Variants in GPAM observed in about 807,000 individuals in gnomAD.
The protein encoded by GPAM is glycerol-3-phosphate acyltransferase 1, mitochondrial.
Under a neutral mutation model 105.0 loss-of-function variants are expected in GPAM, and 56 were observed. The ratio of observed to expected loss-of-function variants is 0.53; its 90% CI spans 0.43 to 0.67. The LOEUF is 0.67. Among genes scored for constraint, GPAM ranks in the 30% least tolerant of loss-of-function variants. The pLI, the probability that GPAM is intolerant of heterozygous loss-of-function variation, is 0.00. For synonymous variants in GPAM, 368 were observed against 354.4 expected, an observed-to-expected ratio of 1.04 and a Z score of -0.43; for missense variants, 855 against 989.8, an observed-to-expected ratio of 0.86 and a Z score of 1.83.
At chr10:112,183,866 A>G (rs1434203175), upstream of GPAM, 2 of 152,230 alleles carry the variant, frequency 1.3e-5, no homozygotes, top group Admixed American at 6.5e-5. Flanking sequence ...GCGTGAGCGG[A>G]TCCGAGGGTG....
intron 6 of GPAM, among the ~76,000 whole-genome samples, chr10:112,174,719 G>A (rs559440364): frequency 4.1e-4 from 62 of 152,160 alleles, no homozygotes; most frequent in Admixed American, 1.7e-3. Flanking sequence ...GGACACTGAT[G>A]CCCCCCAAGT....
Position 112,168,375 on chromosome 10 carries a change from C to A in GPAM, c.1044G>T (p.Leu348Phe). 4 of 1,611,126 alleles carry A rather than the reference C, an allele frequency of 2.5e-6. No homozygotes were observed. The highest frequency in any genetic ancestry group is 3.4e-6 in the Non-Finnish European group (4 of 1,177,288). ...TLSTNVIPDI[L>F]IIPVGISYDR... ...CATAGGAGATTCCAACAGGTATTAT[C>A]AAGATGTCTGGGATGACATTGGTAG... Residue 348 changes from leucine to phenylalanine, a missense_variant, in exon 11 of 22, where the codon TTG (leucine) becomes TTT (phenylalanine). Coordinates refer to ENST00000348367, the MANE Select transcript of GPAM (RefSeq NM_001244949.2).
At chr10:112,163,550 G>T (rs958386318) in intron 14 of GPAM, 151 bp downstream of exon 14, 1 of 655,932 alleles carries the variant, frequency 1.5e-6, no homozygotes, top group Non-Finnish European at 2.8e-6. Flanking sequence ...AAATCCTCAC[G>T]GTATCACCTT....
chr10:112,209,217 C>A (rs951182344), intron 1 of GPAM, among the ~76,000 whole-genome samples: 1 of 152,214 alleles, frequency 6.6e-6, no homozygotes, highest in Middle Eastern at 3.4e-3. Flanking sequence ...ATTCATGGAG[C>A]TAATTAGACA....
chr10:112,157,045 T>C, intron 19 of GPAM: 1 of 626,080 alleles, frequency 1.6e-6, no homozygotes, highest in Non-Finnish European at 2.8e-6. Context: ...TCTTCCTGAC[T>C]TTTCAGACTC....
chr10:112,225,454 C>T, the GPAM span, among the ~76,000 whole-genome samples: 2 of 152,254 alleles, frequency 1.3e-5, no homozygotes, highest in East Asian at 3.9e-4. Flanking sequence ...ACCACCTTTC[C>T]ATTCCACAAT....
the GPAM span, among the ~76,000 whole-genome samples, chr10:112,223,039 C>T: frequency 6.6e-6 from 1 of 152,084 alleles, no homozygotes; most frequent in East Asian, 1.9e-4. Context: ...ACAATGGTGG[C>T]ATAGGAGCCA....
chr10:112,176,404 C>T (rs1847405826), intron 5 of GPAM, among the ~76,000 whole-genome samples: 1 of 152,146 alleles, frequency 6.6e-6, no homozygotes, highest in Non-Finnish European at 1.5e-5. Context: ...AAGAATGCTA[C>T]AAGCTTTCAT....
At chr10:112,167,007 A>T (rs1847229409) in intron 11 of GPAM, among the ~76,000 whole-genome samples, 1 of 152,190 alleles carries the variant, frequency 6.6e-6, no homozygotes, top group Admixed American at 6.5e-5. Context: ...TATCTATTAC[A>T]CATAAGGCAC....
chr10:112,200,798 G>A (rs556062196), intron 1 of GPAM, among the ~76,000 whole-genome samples: 1 of 152,288 alleles, frequency 6.6e-6, no homozygotes, highest in African/African-American at 2.4e-5. Flanking sequence ...TTTTGCTACT[G>A]TGGAATACTG....
Position 112,160,026 on chromosome 10 carries a change from T to C in GPAM, c.1787A>G (p.Lys596Arg), listed in dbSNP as rs1421207715. ...IACSLYAVLN[K>R]RGLGGPTSTP... is the part of the protein sequence containing the mutation. ...GCTAGTGGGACCCCCCAGTCCCCTCTTGTTCAGAACTGCATAAAGGCTGCA... is the reference window on the plus strand; with the variant it reads ...GCTAGTGGGACCCCCCAGTCCCCTCCTGTTCAGAACTGCATAAAGGCTGCA... The change falls in exon 17 of 22, where the codon AAG becomes AGG. Residue 596 changes from lysine to arginine, a missense_variant. Physicochemically the swap from Lys to Arg is conservative, Grantham distance 26 (BLOSUM62 2). Transcript: ENST00000348367. 1 of 1,613,954 alleles carries C rather than the reference T, an allele frequency of 6.2e-7. No individual in the cohort carries two copies. The highest frequency in any genetic ancestry group is 8.5e-7 in the Non-Finnish European group (1 of 1,179,956).
At chr10:112,199,060 C>A (rs891839517) in intron 1 of GPAM, among the ~76,000 whole-genome samples, 1 of 150,476 alleles carries the variant, frequency 6.6e-6, no homozygotes, top group Admixed American at 6.6e-5. Flanking sequence ...GTAGCTGGGA[C>A]TACAGACACA....
intron 1 of GPAM, among the ~76,000 whole-genome samples, chr10:112,200,244 T>TAGAGAG (rs59715102): frequency 1.3e-3 from 161 of 123,550 alleles, no homozygotes; most frequent in African/African-American, 4.7e-3. Flanking sequence ...TATATATATA[T>TAGAGAG]AGAGAGAGAG....
Position 112,181,689 on chromosome 10 carries a change from C to T in GPAM, c.96G>A (p.Glu32=). 4 of 1,571,200 alleles carry T rather than the reference C, an allele frequency of 2.5e-6. No individual in the cohort carries two copies. Among genetic ancestry groups the T allele is most frequent in the South Asian group, 2.2e-5 (2 of 90,262 alleles). ...YSVGRCKHTS[E]EWGECGFRPT... is the part of the protein sequence containing the mutation. ...ACTCTTATCCTAAACTTACCCATTC[C>T]TCACTTGTGTGCTTACATCGACCAA... Residue 32 remains glutamate (E), a synonymous_variant, in exon 3 of 22, where the codon GAG becomes GAA. Coordinates refer to ENST00000348367, the MANE Select transcript of GPAM (RefSeq NM_001244949.2).
chr10:112,216,711 C>T (rs1263584014), upstream of GPAM, among the ~76,000 whole-genome samples: 2 of 151,966 alleles, frequency 1.3e-5, no homozygotes, highest in Admixed American at 1.3e-4. Context: ...GCAGCCTCTG[C>T]CTCCTAGGTT....
chr10:112,199,859 C>T (rs1034568873), intron 1 of GPAM, among the ~76,000 whole-genome samples: 32 of 152,138 alleles, frequency 2.1e-4, no homozygotes, highest in Admixed American at 3.3e-4. Flanking sequence ...AACCGCCCCC[C>T]ATGATTCAAT....
At chr10:112,195,614 T>C (rs1353375258) in intron 1 of GPAM, among the ~76,000 whole-genome samples, 1 of 152,254 alleles carries the variant, frequency 6.6e-6, no homozygotes, top group East Asian at 1.9e-4. Flanking sequence ...TAATTATAAC[T>C]AAATACTTAA....
intron 5 of GPAM, 85 bp downstream of exon 5, chr10:112,177,899 A>G: frequency 1.3e-6 from 1 of 751,616 alleles, no homozygotes; most frequent in Non-Finnish European, 2.4e-6. Context: ...AGTAATGCAA[A>G]GCAATTCAGC....
chr10:112,209,203 C>A (rs774080803), intron 1 of GPAM, among the ~76,000 whole-genome samples: 22 of 152,130 alleles, frequency 1.4e-4, no homozygotes, highest in Non-Finnish European at 3.1e-4. Context: ...GCCTTGTTGC[C>A]CTGATTCATG....
Sources: allele counts gnomAD v4.1 joint callset (sites outside exome capture counted in the v4.1 genomes callset), GRCh38; gene constraint gnomAD v4.1.1; transcripts MANE v1.5; gene names NCBI Gene and HGNC (gene_info 2026-07-23, HGNC 2026-07-21).